The following LRRFIP2 variants were observed in gnomAD, a reference collection of about 807,000 sequenced individuals.
LRRFIP2 encodes leucine-rich repeat flightless-interacting protein 2.
Under a neutral mutation model 125.9 loss-of-function variants are expected in LRRFIP2, and 109 were observed. That is an observed-to-expected ratio of 0.87 (90% CI 0.74 to 1.01). The LOEUF (loss-of-function observed/expected upper bound fraction) is 1.01. LRRFIP2 is among the 50% of genes least tolerant of loss of function. The pLI, the probability that LRRFIP2 is intolerant of heterozygous loss-of-function variation, is 0.00. For synonymous variants in LRRFIP2, 291 were observed against 293.1 expected (o/e 0.99, Z 0.07); for missense variants, 850 against 862.3 (o/e 0.99, Z 0.18).
intron 8 of LRRFIP2, among the ~76,000 whole-genome samples, chr3:37,112,334 C>CA (rs1408342199): frequency 0.034 from 2,470 of 72,590 alleles, 53 homozygotes; most frequent in African/African-American, 0.06. Context: ...GACTCCATCT[C>CA]AAAAAAAGAA....
chr3:37,141,298 A>C (rs556655955), intron 2 of LRRFIP2, among the ~76,000 whole-genome samples: 12 of 152,152 alleles, frequency 7.9e-5, no homozygotes, highest in African/African-American at 2.9e-4. Context: ...AGCTTTGAAA[A>C]TCAAATGTAA....
At chr3:37,161,179 T>TAAAC (rs1553824660) in intron 1 of LRRFIP2, among the ~76,000 whole-genome samples, 1 of 88,142 alleles carries the variant, frequency 1.1e-5, no homozygotes, top group Non-Finnish European at 2.2e-5. Flanking sequence ...CCCCATCTAC[T>TAAAC]AAAAAAAAAA....
At chr3:37,074,876 G>C (rs878901676) in intron 20 of LRRFIP2, 148 bp downstream of exon 20, 1 of 564,248 alleles carries the variant, frequency 1.8e-6, no homozygotes, top group African/African-American at 1.9e-5. Context: ...AGCATAATCT[G>C]GTTTATGTTT....
intron 18 of LRRFIP2, among the ~76,000 whole-genome samples, 198 bp downstream of exon 18, chr3:37,091,269 C>A (rs1361302734): frequency 2.6e-5 from 4 of 151,712 alleles, no homozygotes; most frequent in African/African-American, 9.7e-5. Flanking sequence ...GCGGAATATT[C>A]AAAAACTGTA....
At chr3:37,135,457 CAA>C (rs368371557) in intron 2 of LRRFIP2, among the ~76,000 whole-genome samples, 20 of 78,358 alleles carry the variant, frequency 2.6e-4, no homozygotes, top group East Asian at 3.5e-4. Flanking sequence ...GACTCAGTCT[CAA>C]AAAAAAAAAA....
intron 21 of LRRFIP2, among the ~76,000 whole-genome samples, chr3:37,069,927 G>A (rs1268225346): frequency 6.6e-6 from 1 of 152,038 alleles, no homozygotes; most frequent in Non-Finnish European, 1.5e-5. Context: ...GGGAGGGGAA[G>A]GGGAGATTAA....
chr3:37,142,175 G>T, intron 2 of LRRFIP2, among the ~76,000 whole-genome samples: 1 of 141,480 alleles, frequency 7.1e-6, no homozygotes, highest in African/African-American at 2.7e-5. Flanking sequence ...TTTTGAGACA[G>T]GGTCTCACTC....
intron 25 of LRRFIP2, among the ~76,000 whole-genome samples, chr3:37,056,589 G>C (rs2086940681): frequency 6.6e-6 from 1 of 151,964 alleles, no homozygotes; most frequent in Non-Finnish European, 1.5e-5. Flanking sequence ...GAGTAGCTGG[G>C]ACTACAGGCA....
At chr3:37,121,791 C>G in intron 4 of LRRFIP2, 100 bp from the exon 5 acceptor site, 1 of 1,103,566 alleles carries the variant, frequency 9.1e-7, no homozygotes, top group South Asian at 1.3e-5. Flanking sequence ...ACAGCAACAA[C>G]TCCTGAGAGC....
At chr3:37,165,238 A>G (rs927339938) in intron 1 of LRRFIP2, among the ~76,000 whole-genome samples, 1 of 151,888 alleles carries the variant, frequency 6.6e-6, no homozygotes, top group Non-Finnish European at 1.5e-5. Context: ...CTGTCTCAAA[A>G]AAAAAAACAA....
intron 8 of LRRFIP2, among the ~76,000 whole-genome samples, 176 bp downstream of exon 8, chr3:37,112,739 T>A (rs1229056594): frequency 6.6e-6 from 1 of 152,224 alleles, no homozygotes; most frequent in Non-Finnish European, 1.5e-5. Flanking sequence ...AGGGTTTGCA[T>A]ATGTTAATAC....
At chr3:37,165,192 A>G (rs2096448121) in intron 1 of LRRFIP2, among the ~76,000 whole-genome samples, 1 of 150,690 alleles carries the variant, frequency 6.6e-6, no homozygotes, top group Non-Finnish European at 1.5e-5. Context: ...CCGAGACTGC[A>G]CCACTGCACT....
chr3:37,073,663 T>TA (rs1234921858), intron 20 of LRRFIP2, among the ~76,000 whole-genome samples: 2 of 152,216 alleles, frequency 1.3e-5, no homozygotes, highest in African/African-American at 4.8e-5. Flanking sequence ...CATCTAAAAC[T>TA]ATAGTTCTCA....
chr3:37,127,666 G>A lies in LRRFIP2; in HGVS notation c.192C>T (p.Ser64=), dbSNP rs768763064. 2 of 1,613,828 alleles carry A rather than the reference G, an allele frequency of 1.2e-6. No homozygotes were observed. The highest frequency in any genetic ancestry group is 1.3e-5 in the African/African-American group (1 of 75,026). Residue 64 remains serine (S), a synonymous_variant, in exon 4 of 28, where the codon TCC becomes TCT. Coordinates refer to ENST00000336686, the MANE Select transcript of LRRFIP2 (RefSeq NM_006309.4). ...ERQQKEYSLH[S]FDRKWGQIQK... ...GAATCTGTCCCCACTTCCGATCAAA[G>A]GAATGAAGAGAGTACTAGAAATGCA...
chr3:37,067,361 A>G (rs1421603315), intron 21 of LRRFIP2: 1 of 152,250 alleles, frequency 6.6e-6, no homozygotes, highest in Non-Finnish European at 1.5e-5. Flanking sequence ...ATAACCCAGA[A>G]TTAAAAATAC....
At chr3:37,085,102 C>A (rs1224257229) in intron 18 of LRRFIP2, among the ~76,000 whole-genome samples, 1 of 152,152 alleles carries the variant, frequency 6.6e-6, no homozygotes, top group East Asian at 1.9e-4. Context: ...AAAATTAACT[C>A]AGCATAAGCC....
rs1002494031 is a variant in LRRFIP2 at position 37,083,917 on chromosome 3, A to C, written c.1108-111T>G. ...AACACATAAAGATGCATTTTCATAA[A>C]ATACAAGCGGTTTGGGGAACTCCTT... On this transcript the variant is annotated intron_variant, in intron 18 of 27. Transcript: ENST00000336686. 10 of 808,570 alleles carry C rather than the reference A, an allele frequency of 1.2e-5. No homozygotes were observed. In the African/African-American group the frequency reaches 1.8e-4, roughly 15 times the overall value. The allele number at this position is 808,570 out of a possible 1,614,324, so 50.1% of individuals were successfully genotyped here.
In LRRFIP2 at chr3:37,105,458, ACT is replaced by A; in HGVS notation, c.778_779del (p.Ser260CysfsTer6). The A allele has an allele frequency of 1.2e-6, 2 of 1,613,328 alleles. No individual in the cohort carries two copies. Among genetic ancestry groups the A allele is most frequent in the Non-Finnish European group, 1.7e-6 (2 of 1,179,506 alleles). ...TTTGCATGCAAATCATGCTCACCACACTCTCCCTTCGTCCACGACTGGCACGA... is the reference window on the plus strand; with the variant it reads ...TTTGCATGCAAATCATGCTCACCACACTCCCTTCGTCCACGACTGGCACGA... ...SDRASRGRRE[S>X]VVSAADYFSR... On this transcript the variant is annotated frameshift_variant, in exon 14 of 28. Transcript: ENST00000336686. LOFTEE classifies it high-confidence loss of function.
intron 15 of LRRFIP2, among the ~76,000 whole-genome samples, chr3:37,098,388 C>CTTTTTTTTTTTT (rs200770177): frequency 7.0e-6 from 1 of 142,946 alleles, no homozygotes. Flanking sequence ...AATTTTTTTT[C>CTTTTTTTTTTTT]TTTTTTTTCT....
Sources: allele counts gnomAD v4.1 joint callset (sites outside exome capture counted in the v4.1 genomes callset), GRCh38; gene constraint gnomAD v4.1.1; transcripts MANE v1.5; gene names NCBI Gene and HGNC (gene_info 2026-07-23, HGNC 2026-07-21).